The following SFMBT2 variants were observed in gnomAD, a reference collection of about 807,000 sequenced individuals.
SFMBT2 encodes the protein Scm like with four mbt domains 2, also known as scm-like with four MBT domains protein 2.
A neutral mutation model predicts 110.1 loss-of-function variants in SFMBT2; 38 were observed. The observed-to-expected ratio is 0.35, with a 90% CI of 0.27 to 0.45. The LOEUF is 0.45. SFMBT2 is among the 20% of genes least tolerant of loss of function. SFMBT2 has a pLI of 1.00. For synonymous variants in SFMBT2, 425 were observed against 425.4 expected, an observed-to-expected ratio of 1.00 and a Z score of 0.01; for missense variants, 1,011 against 1,094.9, an observed-to-expected ratio of 0.92 and a Z score of 1.08.
At chr10:7,263,809 G>A (rs1166206100) in intron 7 of SFMBT2, among the ~76,000 whole-genome samples, 5 of 152,158 alleles carry the variant, frequency 3.3e-5, no homozygotes, top group Non-Finnish European at 5.9e-5. Flanking sequence ...ACAATCTATC[G>A]TAAGAGAAGC....
rs780362808 is a variant in SFMBT2 at position 7,186,425 on chromosome 10, TAC to T, written c.1808+2197_1808+2198del. ...TATACACATACATACATACTATATA[TAC>T]ACACACACACACACACACACACACA... is the stretch of plus-strand genomic sequence containing the variant. On this transcript the variant is annotated intron_variant, in intron 16 of 20. Transcript: ENST00000397167. Among the ~76,000 whole-genome samples the T allele has an allele frequency of 5.7e-3, 621 of 109,348 alleles. 3 individuals are homozygous for T. Among genetic ancestry groups the T allele is most frequent in the Non-Finnish European group, 7.7e-3 (414 of 53,528 alleles). The allele number at this position is 109,348 out of a possible 152,430, so 71.7% of individuals were successfully genotyped here.
intron 4 of SFMBT2, among the ~76,000 whole-genome samples, chr10:7,356,501 C>T (rs763531407): frequency 3.3e-5 from 5 of 152,172 alleles, no homozygotes; most frequent in Non-Finnish European, 4.4e-5. Flanking sequence ...CTGCAACCTC[C>T]GCCTCCCGGG....
chr10:7,382,694 T>C (rs376592197), intron 1 of SFMBT2, among the ~76,000 whole-genome samples: 64 of 151,934 alleles, frequency 4.2e-4, no homozygotes, highest in African/African-American at 1.4e-3. Context: ...GTGCCCTGCC[T>C]CAGGAAGAAG....
intron 9 of SFMBT2, among the ~76,000 whole-genome samples, chr10:7,234,712 T>A (rs1423460681): frequency 6.6e-6 from 1 of 151,900 alleles, no homozygotes; most frequent in Non-Finnish European, 1.5e-5. Context: ...CCTACAGATA[T>A]CAGATGAAAT....
intron 7 of SFMBT2, among the ~76,000 whole-genome samples, chr10:7,266,953 T>C (rs7900266): frequency 0.75 from 113,838 of 152,082 alleles, 42,991 homozygotes; most frequent in East Asian, 0.92. Flanking sequence ...TCTGGAAATG[T>C]GGCTGATAAA....
intron 13 of SFMBT2, among the ~76,000 whole-genome samples, chr10:7,201,943 T>C (rs1838970119): frequency 2.0e-5 from 3 of 152,254 alleles, no homozygotes. Context: ...AAATGGAATC[T>C]AATTTAATCT....
intron 1 of SFMBT2, among the ~76,000 whole-genome samples, chr10:7,389,582 T>C (rs943357289): frequency 1.1e-4 from 17 of 152,228 alleles, no homozygotes; most frequent in African/African-American, 3.6e-4. Flanking sequence ...TTTGTCTCTG[T>C]TGGACAACAG....
At chr10:7,211,388 T>C (rs1839342541) in intron 11 of SFMBT2, among the ~76,000 whole-genome samples, 1 of 152,132 alleles carries the variant, frequency 6.6e-6, no homozygotes, top group South Asian at 2.1e-4. Context: ...TGCACCACAA[T>C]GGCAGCTGGA....
Position 7,276,933 on chromosome 10 carries a change from T to C in SFMBT2, c.829A>G (p.Ile277Val). 2.3e-6 allele frequency: 2 copies of C among 872,914 alleles called. No individual in the cohort carries two copies. The highest frequency in any genetic ancestry group is 2.0e-6 in the Non-Finnish European group (1 of 501,640). 54.1% of individuals were successfully genotyped at this position (872,914 alleles called of 1,614,324 possible). A position where few individuals can be genotyped will look rare whatever the true frequency, so the allele number is the denominator to read the frequency against. ...GGAAGAGGAAATTTGGCAGCATCAATAAGGGATTTTTCCAGAGTACATTTC... is the reference window on the plus strand; with the variant it reads ...GGAAGAGGAAATTTGGCAGCATCAACAAGGGATTTTTCCAGAGTACATTTC... ...EWKCTLEKSL[I>V]DAAKFPLPME... The change falls in exon 7 of 21, where the codon ATT becomes GTT. Residue 277 changes from isoleucine (I) to valine (V), a missense_variant. Around this residue, in one of 2 missense-constraint regions of SFMBT2, gnomAD observed 979 missense variants for 1,016.1 expected, o/e 0.96. Transcript: ENST00000397167.
chr10:7,193,734 T>C (rs1838679122), intron 15 of SFMBT2, among the ~76,000 whole-genome samples: 1 of 152,178 alleles, frequency 6.6e-6, no homozygotes, highest in African/African-American at 2.4e-5. Flanking sequence ...ACACTGTCTA[T>C]AAAGTGAGGA....
intron 4 of SFMBT2, among the ~76,000 whole-genome samples, chr10:7,319,301 G>A (rs931208539): frequency 3.9e-5 from 6 of 152,172 alleles, no homozygotes; most frequent in Non-Finnish European, 7.4e-5. Flanking sequence ...TTAATTCCCC[G>A]GCGTTCTGCA....
In SFMBT2 at chr10:7,385,088, G is replaced by A. The variant is rs1325872439; in HGVS notation, c.-51-3139C>T. On this transcript the variant is annotated intron_variant, in intron 1 of 20. Transcript: ENST00000397167. ...CTGGATTGCCCCTGGCATGCAGGGA[G>A]CGAGCACTGAGGCACTCTGTAAACA... Among the ~76,000 whole-genome samples, 3 of 152,186 alleles carry A rather than the reference G, an allele frequency of 2.0e-5. No individual in the cohort carries two copies. The East Asian group carries it at 5.8e-4, about 29-fold the overall frequency.
At chr10:7,257,836 G>A (rs1298013895) in intron 7 of SFMBT2, among the ~76,000 whole-genome samples, 1 of 152,208 alleles carries the variant, frequency 6.6e-6, no homozygotes, top group Non-Finnish European at 1.5e-5. Context: ...GCACAGGGGA[G>A]AACAAGTTCT....
intron 15 of SFMBT2, among the ~76,000 whole-genome samples, chr10:7,190,829 C>G (rs1432496067): frequency 1.3e-5 from 2 of 152,156 alleles, no homozygotes; most frequent in Non-Finnish European, 2.9e-5. Flanking sequence ...TGTGACCCCA[C>G]CCAAATCTCA....
rs140239460 is a variant in SFMBT2 at position 7,230,049 on chromosome 10, G to A, written c.1121-2112C>T. On this transcript the variant is annotated intron_variant, in intron 9 of 20. Coordinates refer to ENST00000397167, the MANE Select transcript of SFMBT2 (RefSeq NM_001387889.1). Reference sequence around the variant, plus strand: ...TATATATATATATTTAAGATGGGAGGGTGACAGTTAAGCAAAAAAGCAGCT... The same window carrying A: ...TATATATATATATTTAAGATGGGAGAGTGACAGTTAAGCAAAAAAGCAGCT... Among the ~76,000 whole-genome samples the A allele has an allele frequency of 2.9e-3, 438 of 151,690 alleles. 2 individuals carry two copies. The highest frequency in any genetic ancestry group is 0.01 in the African/African-American group (417 of 41,296).
intron 4 of SFMBT2, among the ~76,000 whole-genome samples, chr10:7,331,478 T>C (rs1239155325): frequency 6.6e-6 from 1 of 152,244 alleles, no homozygotes; most frequent in Non-Finnish European, 1.5e-5. Flanking sequence ...AAAGTCATTT[T>C]AGTTCATTAA....
intron 1 of SFMBT2, among the ~76,000 whole-genome samples, chr10:7,383,305 G>A (rs1845479291): frequency 3.9e-5 from 6 of 151,992 alleles, no homozygotes; most frequent in Admixed American, 3.3e-4. Flanking sequence ...GGAGTTCATG[G>A]TCAGCCTGGG....
intron 11 of SFMBT2, among the ~76,000 whole-genome samples, chr10:7,208,064 G>GT: frequency 6.6e-6 from 1 of 152,304 alleles, no homozygotes; most frequent in South Asian, 2.1e-4. Flanking sequence ...GTCTAATATT[G>GT]TAAGACTTGA....
At chr10:7,320,152 G>A (rs1335069687) in intron 4 of SFMBT2, among the ~76,000 whole-genome samples, 2 of 152,250 alleles carry the variant, frequency 1.3e-5, no homozygotes, top group Non-Finnish European at 2.9e-5. Flanking sequence ...TTGGCCAGAT[G>A]CATGGCTCAT....
Sources: gnomAD v4.1 joint callset for allele counts (sites outside exome capture counted in the v4.1 genomes callset) on GRCh38, gnomAD v4.1.1 for gene constraint, gnomAD v4.1.1 regional missense constraint, MANE v1.5 for transcripts, NCBI Gene and HGNC (gene_info 2026-07-23, HGNC 2026-07-21) for gene names.